The following RDM1 variants were observed in gnomAD, a reference collection of about 807,000 sequenced individuals.
RDM1 encodes the protein RAD52 motif containing 1.
RDM1 carries 28 observed loss-of-function variants against 27.7 expected under a neutral mutation model. That is an observed-to-expected ratio of 1.01 (90% CI 0.75 to 1.39). The LOEUF is 1.39. Among genes scored for constraint, RDM1 ranks in the 40% most tolerant of loss-of-function variants. RDM1 has a pLI of 0.00. For synonymous variants in RDM1, 124 were observed against 127.5 expected (o/e 0.97, Z 0.19); for missense variants, 277 against 337.3 (o/e 0.82, Z 1.40).
chr17:35,923,064 C>T (rs1327414272), intron 4 of RDM1, among the ~76,000 whole-genome samples: 2 of 152,234 alleles, frequency 1.3e-5, no homozygotes, highest in Non-Finnish European at 2.9e-5. Flanking sequence ...CCTGTAATCC[C>T]AGCACCTGGG....
At chr17:35,928,268 G>A (rs1178451508) in intron 2 of RDM1, among the ~76,000 whole-genome samples, 2 of 152,130 alleles carry the variant, frequency 1.3e-5, no homozygotes, top group Non-Finnish European at 2.9e-5. Context: ...AAATTGGTTG[G>A]CATGTTAATA....
In RDM1 at chr17:35,922,645, G is replaced by A. The variant is rs373304914; in HGVS notation, c.599C>T (p.Thr200Ile). 189 of 1,607,996 alleles carry A rather than the reference G, an allele frequency of 1.2e-4. No homozygotes were observed. The highest frequency in any genetic ancestry group is 1.5e-4 in the Non-Finnish European group (173 of 1,178,850). The change falls in exon 5 of 7, where the codon ACA becomes ATA. Residue 200 changes from threonine (T) to isoleucine (I), a missense_variant. Coordinates refer to ENST00000620284, the MANE Select transcript of RDM1 (RefSeq NM_145654.4). ...CTTCTGAATAGCAAGCTTCTGGGCTGTCTTCCTTTTCATAAGGAATGATAA... is the reference window on the plus strand; with the variant it reads ...CTTCTGAATAGCAAGCTTCTGGGCTATCTTCCTTTTCATAAGGAATGATAA... ...GPLSFLMKRK[T>I]AQKLAIQKAL...
At chr17:35,921,918 C>CTTTTT (rs755056334) in intron 5 of RDM1, among the ~76,000 whole-genome samples, 14 of 116,014 alleles carry the variant, frequency 1.2e-4, no homozygotes, top group East Asian at 2.6e-4. Flanking sequence ...ATTAAAAAAT[C>CTTTTT]TTTTTTTTTT....
chr17:35,919,261 A>G (rs2088854057), intron 6 of RDM1, among the ~76,000 whole-genome samples: 1 of 152,276 alleles, frequency 6.6e-6, no homozygotes, highest in Admixed American at 6.5e-5. Flanking sequence ...TATGTAGTAA[A>G]TAATGACTGT....
chr17:35,930,406 C>T (rs1267069943), intron 1 of RDM1, 151 bp from the exon 2 acceptor site: 3 of 1,106,196 alleles, frequency 2.7e-6, no homozygotes, highest in East Asian at 5.1e-5. Flanking sequence ...AAATCCTAAA[C>T]TTTAAGAAGC....
chr17:35,929,048 C>T (rs1262850837), intron 2 of RDM1, among the ~76,000 whole-genome samples: 3 of 152,042 alleles, frequency 2.0e-5, no homozygotes, highest in Non-Finnish European at 2.9e-5. Flanking sequence ...GCTCTCCAGC[C>T]TGGGTGACAA....
At chr17:35,922,543 T>C (rs765001641) in intron 5 of RDM1, 34 bp downstream of exon 5, 1 of 1,590,528 alleles carries the variant, frequency 6.3e-7, no homozygotes, top group South Asian at 1.2e-5. Context: ...TTACTGAAAC[T>C]GAAGTACTTC....
chr17:35,922,547 G>T, intron 5 of RDM1, 30 bp downstream of exon 5: 3 of 1,590,556 alleles, frequency 1.9e-6, no homozygotes, highest in Non-Finnish European at 8.5e-7. Context: ...TGAAACTGAA[G>T]TACTTCAAGG....
chr17:35,918,961 G>A (rs1029401127), intron 6 of RDM1, among the ~76,000 whole-genome samples: 3 of 152,138 alleles, frequency 2.0e-5, no homozygotes, highest in Admixed American at 1.3e-4. Flanking sequence ...GTTTTACAAT[G>A]GAAGGGATTC....
chr17:35,924,671 C>T lies in RDM1; in HGVS notation c.501G>A (p.Leu167=). 1.2e-6 allele frequency: 2 copies of T among 1,614,160 alleles called. No homozygotes were observed. Among genetic ancestry groups the T allele is most frequent in the Non-Finnish European group, 1.7e-6 (2 of 1,180,018 alleles). ...CAGGACTCCTGCAATCACAGGATGG[C>T]AACACCACTTCTAAAGCACAGAAGA... is the stretch of plus-strand genomic sequence containing the variant. The part of the protein sequence containing the change: ...LKFFCALEVV[L]PSCDCRSPGI... Residue 167 remains leucine (L), a synonymous_variant, in exon 4 of 7, where the codon TTG becomes TTA. Coordinates refer to ENST00000620284, the MANE Select transcript of RDM1 (RefSeq NM_145654.4).
chr17:35,918,247 T>C lies in RDM1; in HGVS notation c.*95A>G, dbSNP rs748036988. Reference sequence around the variant, plus strand: ...CGGCCGACCCAGGTGGTTCCAGGACTCCAGCAGCCTATAGTGGTGGGGCGG... The same window carrying C: ...CGGCCGACCCAGGTGGTTCCAGGACCCCAGCAGCCTATAGTGGTGGGGCGG... On this transcript the variant is annotated 3_prime_UTR_variant, in exon 7 of 7. Coordinates refer to ENST00000620284, the MANE Select transcript of RDM1 (RefSeq NM_145654.4). The C allele has an allele frequency of 2.3e-5, 24 of 1,062,300 alleles. No homozygotes were observed. Among genetic ancestry groups the C allele is most frequent in the Non-Finnish European group, 3.1e-5 (22 of 700,058 alleles). 65.8% of individuals were successfully genotyped at this position (1,062,300 alleles called of 1,614,324 possible).
chr17:35,929,303 C>T (rs2089248827), intron 2 of RDM1, among the ~76,000 whole-genome samples: 3 of 152,160 alleles, frequency 2.0e-5, no homozygotes, highest in South Asian at 2.1e-4. Flanking sequence ...CTCTGTGGCC[C>T]AGGCAGGAGT....
chr17:35,924,354 C>A (rs1191630326), intron 4 of RDM1, among the ~76,000 whole-genome samples: 1 of 152,058 alleles, frequency 6.6e-6, no homozygotes, highest in East Asian at 1.9e-4. Flanking sequence ...AAAAACATTA[C>A]TTCCTTCTTC....
rs752692117 is a variant in RDM1, at chr17:35,930,077, T to C, written c.275A>G (p.Lys92Arg). ...TAGGAATTCCATATTTGGACCCACC[T>C]TGACTGGAGATTTCTGAAAAAGCTG... ...RKQLFQKSPV[K>R]VRLGTRHKAV... is the part of the protein sequence containing the mutation. Residue 92 changes from lysine (K) to arginine (R), a missense_variant and splice_region_variant, in exon 2 of 7, where the codon AAG becomes AGG. Physicochemically the swap from Lys to Arg is conservative, Grantham distance 26. Transcript: ENST00000620284. The C allele has an allele frequency of 6.2e-7, 1 of 1,612,852 alleles. No individual in the cohort carries two copies. Among genetic ancestry groups the C allele is most frequent in the Non-Finnish European group, 8.5e-7 (1 of 1,179,504 alleles).
intron 5 of RDM1, chr17:35,922,349 G>A (rs536794352): frequency 2.0e-5 from 10 of 512,464 alleles, no homozygotes; most frequent in African/African-American, 1.8e-4. Context: ...TGTGGGAACT[G>A]AGGCAAGTCT....
At chr17:35,926,625 C>G (rs534489510) in intron 2 of RDM1, among the ~76,000 whole-genome samples, 1 of 152,084 alleles carries the variant, frequency 6.6e-6, no homozygotes, top group East Asian at 1.9e-4. Flanking sequence ...AGGATGGTCT[C>G]GATCTCCTGA....
At chr17:35,930,353 C>A (rs2089286705) in intron 1 of RDM1, 98 bp from the exon 2 acceptor site, 3 of 1,454,296 alleles carry the variant, frequency 2.1e-6, no homozygotes, top group South Asian at 1.2e-5. Context: ...GCGAAGGATG[C>A]GATTCAAAAC....
intron 2 of RDM1, 33 bp downstream of exon 2, chr17:35,930,043 C>T: frequency 4.4e-6 from 7 of 1,576,448 alleles, no homozygotes; most frequent in Non-Finnish European, 6.1e-6. Flanking sequence ...CACTTCATTT[C>T]AGCGGAGCTA....
At chr17:35,925,996 T>C (rs1338898861) in intron 2 of RDM1, among the ~76,000 whole-genome samples, 1 of 151,980 alleles carries the variant, frequency 6.6e-6, no homozygotes, top group African/African-American at 2.4e-5. Context: ...TAGCCAGGCA[T>C]GGTGGCACGT....
Sources: gnomAD v4.1 joint callset for allele counts (sites outside exome capture counted in the v4.1 genomes callset) on GRCh38, gnomAD v4.1.1 for gene constraint, MANE v1.5 for transcripts, NCBI Gene and HGNC (gene_info 2026-07-23, HGNC 2026-07-21) for gene names.